RAPGEF4: variants seen among roughly 807,000 people sequenced by gnomAD.
The protein encoded by RAPGEF4 is RAP guanine-nucleotide-exchange factor (GEF) 4.
A neutral mutation model predicts 147.9 loss-of-function variants in RAPGEF4; 66 were observed. The observed-to-expected ratio is 0.45, with a 90% CI of 0.37 to 0.55. The LOEUF (loss-of-function observed/expected upper bound fraction) is 0.55, where lower values mean the gene tolerates loss of function less well. Ranked by LOEUF, RAPGEF4 falls within the 20% of genes least tolerant of loss-of-function variation. The pLI, the probability that RAPGEF4 is intolerant of heterozygous loss-of-function variation, is 0.00. For missense variants in RAPGEF4, 1,071 were observed against 1,257.3 expected, an observed-to-expected ratio of 0.85 and a Z score of 2.24; for synonymous variants, 419 against 442.7, an observed-to-expected ratio of 0.95 and a Z score of 0.67.
Position 172,735,879 on chromosome 2 carries a change from C to G in RAPGEF4, c.-105C>G. 2 of 1,014,012 alleles carry G rather than the reference C, an allele frequency of 2.0e-6. No homozygotes were observed. The highest frequency in any genetic ancestry group is 2.5e-6 in the Non-Finnish European group (2 of 788,682). 62.8% of individuals were successfully genotyped at this position (1,014,012 alleles called of 1,614,324 possible). On this transcript the variant is annotated 5_prime_UTR_variant, in exon 1 of 31. Coordinates refer to ENST00000397081, the MANE Select transcript of RAPGEF4 (RefSeq NM_007023.4). ...GCAGCCGCGCTGGTCGCCAGGCGTC[C>G]GGGAGGAGCGGGGTCCGCGCGGCGG... is the stretch of plus-strand genomic sequence containing the variant.
At chr2:172,981,402 A>C (rs16861119) in intron 10 of RAPGEF4, among the ~76,000 whole-genome samples, 11,110 of 152,304 alleles carry the variant, frequency 0.073, 597 homozygotes, top group South Asian at 0.16. Context: ...GTCCAAGTCA[A>C]GTAGTAGATG....
intron 4 of RAPGEF4, among the ~76,000 whole-genome samples, chr2:172,883,009 A>T (rs923353428): frequency 1.3e-5 from 2 of 152,166 alleles, no homozygotes; most frequent in African/African-American, 4.8e-5. Flanking sequence ...ACTGATTTGG[A>T]AGCATGGAGT....
intron 4 of RAPGEF4, chr2:172,821,443 A>T: frequency 4.9e-6 from 2 of 408,584 alleles, no homozygotes; most frequent in Non-Finnish European, 3.3e-6. Context: ...CTGTAGGGTT[A>T]CTTCTCAGGC....
chr2:172,747,543 T>G (rs1399957311), intron 1 of RAPGEF4, among the ~76,000 whole-genome samples: 1 of 152,196 alleles, frequency 6.6e-6, no homozygotes, highest in Non-Finnish European at 1.5e-5. Flanking sequence ...CATAGCTAAG[T>G]GTAGCTTTGA....
chr2:172,790,881 T>C (rs555751393), intron 1 of RAPGEF4, among the ~76,000 whole-genome samples: 10 of 152,268 alleles, frequency 6.6e-5, no homozygotes, highest in Admixed American at 2.0e-4. Context: ...TTGGTCTGTT[T>C]TGTGCTGCTA....
intron 6 of RAPGEF4, among the ~76,000 whole-genome samples, chr2:172,945,615 G>C (rs1468283631): frequency 1.3e-5 from 2 of 152,122 alleles, no homozygotes; most frequent in Non-Finnish European, 2.9e-5. Context: ...AATTCAAAGT[G>C]TAGGACAAAG....
At chr2:172,919,928 A>ACGGT (rs1298660903) in intron 5 of RAPGEF4, among the ~76,000 whole-genome samples, 1 of 151,814 alleles carries the variant, frequency 6.6e-6, no homozygotes, top group Non-Finnish European at 1.5e-5. Context: ...TTGCATGTTC[A>ACGGT]CAGTCTTCCT....
At chr2:172,992,301 G>A (rs1374374509) in intron 15 of RAPGEF4, among the ~76,000 whole-genome samples, 3 of 152,172 alleles carry the variant, frequency 2.0e-5, no homozygotes, top group Admixed American at 2.0e-4. Context: ...TTGCCCAAAT[G>A]TTTTTAACAG....
At chr2:173,016,276 C>T (rs2105896636) in intron 18 of RAPGEF4, 73 bp from the exon 19 acceptor site, 15 of 1,068,658 alleles carry the variant, frequency 1.4e-5, no homozygotes, top group Non-Finnish European at 4.4e-6. Flanking sequence ...AGGGACACAT[C>T]TTTATTGCTC....
intron 29 of RAPGEF4, 158 bp from the exon 30 acceptor site, chr2:173,048,442 C>T: frequency 7.1e-7 from 1 of 1,416,730 alleles, no homozygotes; most frequent in Non-Finnish European, 9.2e-7. Flanking sequence ...AATAATTAAA[C>T]AAGTTATACA....
intron 6 of RAPGEF4, 81 bp downstream of exon 6, chr2:172,922,381 G>A: frequency 7.5e-7 from 1 of 1,340,798 alleles, no homozygotes; most frequent in East Asian, 2.3e-5. Context: ...CCAACAAAGA[G>A]AGCTCTTGAC....
At chr2:172,943,320 C>A (rs1445545293) in intron 6 of RAPGEF4, among the ~76,000 whole-genome samples, 1 of 152,160 alleles carries the variant, frequency 6.6e-6, no homozygotes. Context: ...TAGAGAATTG[C>A]CTTTACTTTA....
intron 1 of RAPGEF4, among the ~76,000 whole-genome samples, chr2:172,763,202 A>C (rs1250111326): frequency 6.6e-6 from 1 of 152,206 alleles, no homozygotes; most frequent in Non-Finnish European, 1.5e-5. Flanking sequence ...CTTCTTCACC[A>C]TCATTTTATC....
At chr2:172,798,650 T>TTTTTTTTTTTTTTTTTTTTTTTTTG (rs1440840943) in intron 3 of RAPGEF4, among the ~76,000 whole-genome samples, 4 of 152,070 alleles carry the variant, frequency 2.6e-5, no homozygotes, top group Admixed American at 6.5e-5. Flanking sequence ...GGCTTTTTCA[T>TTTTTTTTTTTTTTTTTTTTTTTTTG]AGGTAGCACA....
At chr2:172,883,049 T>C (rs1256687250) in intron 4 of RAPGEF4, among the ~76,000 whole-genome samples, 1 of 152,006 alleles carries the variant, frequency 6.6e-6, no homozygotes, top group Non-Finnish European at 1.5e-5. Context: ...AGCAGGAACA[T>C]GGTCAGAAGA....
chr2:172,849,792 C>T (rs532393092), intron 4 of RAPGEF4, among the ~76,000 whole-genome samples: 1 of 152,350 alleles, frequency 6.6e-6, no homozygotes, highest in Non-Finnish European at 1.5e-5. Context: ...CTCCAGTTTC[C>T]TTACCTGAAA....
intron 1 of RAPGEF4, among the ~76,000 whole-genome samples, chr2:172,786,254 C>G (rs571937923): frequency 6.6e-6 from 1 of 152,210 alleles, no homozygotes; most frequent in South Asian, 2.1e-4. Context: ...TATTCAACTA[C>G]CGTGTGTAGT....
chr2:172,990,736 C>G, intron 14 of RAPGEF4, 74 bp from the exon 15 acceptor site: 1 of 1,028,784 alleles, frequency 9.7e-7, no homozygotes, highest in African/African-American at 1.6e-5. Flanking sequence ...AAATGAGTTT[C>G]TGAAGCATTT....
intron 10 of RAPGEF4, among the ~76,000 whole-genome samples, chr2:172,968,205 A>G (rs894352521): frequency 1.3e-5 from 2 of 152,222 alleles, no homozygotes; most frequent in African/African-American, 4.8e-5. Context: ...TGGCCCTTGC[A>G]TCCGAAACCA....
Sources: gnomAD v4.1 joint callset for allele counts (sites outside exome capture counted in the v4.1 genomes callset) on GRCh38, gnomAD v4.1.1 for gene constraint, MANE v1.5 for transcripts, NCBI Gene and HGNC (gene_info 2026-07-23, HGNC 2026-07-21) for gene names.